The following UGT1A8 variants were observed in gnomAD, a reference collection of about 807,000 sequenced individuals.
UGT1A8 encodes the protein UDP glucuronosyltransferase family 1 member A8.
In UGT1A8, 39 loss-of-function variants were observed where a neutral mutation model predicts 45.3. The observed-to-expected ratio is 0.86, with a 90% CI of 0.67 to 1.12. The LOEUF is 1.12. Among genes scored for constraint, UGT1A8 ranks in the 50% most tolerant of loss-of-function variants. The probability of loss-of-function intolerance (pLI) is 0.00; values close to 1 mark genes in which losing one functional copy is unlikely to be tolerated. For missense variants in UGT1A8, 719 were observed against 664.9 expected (o/e 1.08, Z -0.90); for synonymous variants, 275 against 249.2 (o/e 1.10, Z -0.97).
At chr2:233,753,723 TATGCCCC>T (rs1654919100) in intron 1 of UGT1A8, 1 of 152,226 alleles carries the variant, frequency 6.6e-6, no homozygotes, top group Non-Finnish European at 1.5e-5. Flanking sequence ...CCTAATTTGA[TATGCCCC>T]AAGCACAGCA....
chr2:233,767,212 G>A (rs377453564), intron 2 of UGT1A8, 47 bp downstream of exon 2: 197 of 1,612,180 alleles, frequency 1.2e-4, no homozygotes, highest in Admixed American at 3.0e-4. Context: ...TCACAGGAGC[G>A]CTAATCCCAG....
intron 1 of UGT1A8, among the ~76,000 whole-genome samples, chr2:233,678,494 A>G (rs2074418799): frequency 6.6e-6 from 1 of 152,140 alleles, no homozygotes; most frequent in Admixed American, 6.5e-5. Flanking sequence ...GTGTAACCTT[A>G]TGGAAATACA....
chr2:233,675,225 C>T (rs1460975367), intron 1 of UGT1A8, among the ~76,000 whole-genome samples: 1 of 152,124 alleles, frequency 6.6e-6, no homozygotes, highest in Admixed American at 6.6e-5. Flanking sequence ...GATCAAATTT[C>T]AACGTGAGAT....
chr2:233,672,738 C>T (rs778259592), intron 1 of UGT1A8: 9 of 1,613,896 alleles, frequency 5.6e-6, no homozygotes, highest in Admixed American at 5.0e-5. Context: ...TGATGCCCAA[C>T]ATGATCTTCA....
At chr2:233,701,460 C>A (rs1437947511) in intron 1 of UGT1A8, among the ~76,000 whole-genome samples, 1 of 151,910 alleles carries the variant, frequency 6.6e-6, no homozygotes, top group Admixed American at 6.6e-5. Context: ...ACAAGGATAC[C>A]CAGGAATTGA....
intron 3 of UGT1A8, 56 bp from the exon 4 acceptor site, chr2:233,768,164 C>T: frequency 1.2e-6 from 2 of 1,613,412 alleles, no homozygotes; most frequent in Non-Finnish European, 1.7e-6. Flanking sequence ...CTAGATGTGT[C>T]CAGCTGTGAA....
intron 1 of UGT1A8, chr2:233,755,866 T>C (rs1696048647): frequency 6.6e-6 from 1 of 152,244 alleles, no homozygotes; most frequent in Non-Finnish European, 1.5e-5. Context: ...CATGACACAC[T>C]AACAAACCTT....
chr2:233,772,314 G>C lies in UGT1A8; in HGVS notation c.1348G>C (p.Glu450Gln), dbSNP rs1312404188. 1.9e-6 allele frequency: 3 copies of C among 1,614,222 alleles called. No homozygotes were observed. In the East Asian group the frequency reaches 6.7e-5, roughly 36 times the overall value. The change falls in exon 5 of 5, where the codon GAG becomes CAG. Residue 450 changes from glutamate (E) to glutamine (Q), a missense_variant. Coordinates refer to ENST00000373450, the MANE Select transcript of UGT1A8 (RefSeq NM_019076.5). ...LSSLHKDRPV[E>Q]PLDLAVFWVE... Reference sequence around the variant, plus strand: ...CAGCCTTCACAAGGACCGCCCGGTGGAGCCGCTGGACCTGGCCGTGTTCTG... The same window carrying C: ...CAGCCTTCACAAGGACCGCCCGGTGCAGCCGCTGGACCTGGCCGTGTTCTG...
In UGT1A8 at chr2:233,640,936, A is replaced by G. The variant is rs28969978; in HGVS notation, c.855+22374A>G. ...GCAAAAAAGAAAAAGCAGATGAACT[A>G]TAAGTCTCCCTTTCTTCATGGTCTA... On this transcript the variant is annotated intron_variant, in intron 1 of 4. Transcript: ENST00000373450. 4.6e-3 allele frequency among the ~76,000 whole-genome samples: 707 copies of G among 152,312 alleles called. 7 individuals are homozygous for G. The highest frequency in any genetic ancestry group is 0.016 in the African/African-American group (670 of 41,570).
chr2:233,671,461 C>T (rs1389457186), intron 1 of UGT1A8, among the ~76,000 whole-genome samples: 4 of 152,164 alleles, frequency 2.6e-5, no homozygotes, highest in African/African-American at 9.7e-5. Flanking sequence ...GTTAGGAGGT[C>T]AGTGCTAAGG....
chr2:233,719,129 A>C lies in UGT1A8; in HGVS notation c.856-47905A>C, dbSNP rs1422705774. 6 of 1,614,158 alleles carry C rather than the reference A, an allele frequency of 3.7e-6. No individual in the cohort carries two copies. In the African/African-American group the frequency reaches 6.7e-5, roughly 18 times the overall value. ...GCTACACTCAAGGGTTCTTTGAAACAGAACATCTTCTGAAGAGATATTCTA... is the reference window on the plus strand; with the variant it reads ...GCTACACTCAAGGGTTCTTTGAAACCGAACATCTTCTGAAGAGATATTCTA... On this transcript the variant is annotated intron_variant, in intron 1 of 4. Transcript: ENST00000373450.
intron 1 of UGT1A8, chr2:233,717,916 T>A (rs1363488436): frequency 2.2e-6 from 1 of 454,812 alleles, no homozygotes. Flanking sequence ...AAGGCCTGGA[T>A]GAATGGATAC....
At chr2:233,633,369 A>C (rs181324823) in intron 1 of UGT1A8, among the ~76,000 whole-genome samples, 200 of 152,316 alleles carry the variant, frequency 1.3e-3, no homozygotes, top group African/African-American at 3.8e-3. Context: ...TGTTTGGAAT[A>C]GTTTCAGAAG....
intron 1 of UGT1A8, among the ~76,000 whole-genome samples, chr2:233,632,238 C>T (rs1450890876): frequency 6.6e-6 from 1 of 152,102 alleles, no homozygotes; most frequent in African/African-American, 2.4e-5. Context: ...GTTACTGTAG[C>T]CTTGTAGTAT....
intron 1 of UGT1A8, among the ~76,000 whole-genome samples, chr2:233,766,000 G>A (rs1299002153): frequency 1.3e-5 from 2 of 152,106 alleles, no homozygotes; most frequent in African/African-American, 2.4e-5. Context: ...TCCAGTGGGC[G>A]TGGGTTATGG....
Position 233,718,977 on chromosome 2 carries a change from G to T in UGT1A8, c.856-48057G>T, listed in dbSNP as rs930216391. ...GCGGGAGGCCTTGCGGGAGCTCCAT[G>T]CCAGAGGCCACCAGGCGGTGGTCCT... On this transcript the variant is annotated intron_variant, in intron 1 of 4. Coordinates refer to ENST00000373450, the MANE Select transcript of UGT1A8 (RefSeq NM_019076.5). 3.1e-6 allele frequency: 5 copies of T among 1,614,122 alleles called. No homozygotes were observed. In the Admixed American group the frequency reaches 8.3e-5, roughly 27 times the overall value.
intron 1 of UGT1A8, among the ~76,000 whole-genome samples, chr2:233,630,601 G>A (rs775277223): frequency 1.2e-4 from 18 of 152,138 alleles, no homozygotes; most frequent in Non-Finnish European, 2.6e-4. Flanking sequence ...CATGGTGCTA[G>A]CATCTGCTTC....
intron 1 of UGT1A8, chr2:233,760,899 G>A (rs1697604278): frequency 6.2e-7 from 1 of 1,613,886 alleles, no homozygotes. Context: ...CAGATCACAT[G>A]ACCTTCCTGC....
At chr2:233,755,374 C>G (rs1205727870) in intron 1 of UGT1A8, 3 of 355,518 alleles carry the variant, frequency 8.4e-6, no homozygotes, top group South Asian at 6.7e-5. Flanking sequence ...CCTGGAGGGC[C>G]GCCCCTTATG....
Sources: gnomAD v4.1 joint callset for allele counts (sites outside exome capture counted in the v4.1 genomes callset) on GRCh38, gnomAD v4.1.1 for gene constraint, MANE v1.5 for transcripts, NCBI Gene and HGNC (gene_info 2026-07-23, HGNC 2026-07-21) for gene names.